FBXO43: variants seen among roughly 807,000 people sequenced by gnomAD.
FBXO43 encodes the protein F-box protein 43.
A neutral mutation model predicts 56.7 loss-of-function variants in FBXO43; 22 were observed. The observed-to-expected ratio is 0.39, with a 90% CI of 0.28 to 0.55. The LOEUF is 0.55. FBXO43 is among the 20% of genes least tolerant of loss of function. The pLI, the probability that FBXO43 is intolerant of heterozygous loss-of-function variation, is 0.66. For missense variants in FBXO43, 733 were observed against 814.9 expected (o/e 0.90, Z 1.22); for synonymous variants, 306 against 294.5 (o/e 1.04, Z -0.40).
Position 100,141,373 on chromosome 8 carries a change from G to A in FBXO43, c.881C>T (p.Thr294Ile). 3 of 1,613,406 alleles carry A rather than the reference G, an allele frequency of 1.9e-6. No homozygotes were observed. The highest frequency in any genetic ancestry group is 2.2e-5 in the South Asian group (2 of 91,086). Residue 294 changes from threonine (T) to isoleucine (I), a missense_variant, in exon 2 of 5, where the codon ACA becomes ATA. Physicochemically the swap from Thr to Ile is moderately conservative, Grantham distance 89. Transcript: ENST00000428847. Reference sequence around the variant, plus strand: ...CGGAGTCACAAATATGTCCTCATCTGTTCCACAAGTTGTTCCACTAACAGA... The same window carrying A: ...CGGAGTCACAAATATGTCCTCATCTATTCCACAAGTTGTTCCACTAACAGA... Reference protein sequence around the residue: ...GSSVSGTTCGTDEDIFVTPIS... With the variant: ...GSSVSGTTCGIDEDIFVTPIS...
At position 100,134,170 on chromosome 8, in the gene FBXO43, T is replaced by C; in HGVS notation, c.1869A>G (p.Glu623=). Residue 623 remains glutamate (E), a synonymous_variant, in exon 4 of 5, where the codon GAA becomes GAG. Transcript: ENST00000428847. ...SVTHLSSKQE[E]YVKVAKTLFT... ...CATAATAAATACTTACCTTAACATATTCTTCCTGTTTACTACTTAAGTGAG... is the reference window on the plus strand; with the variant it reads ...CATAATAAATACTTACCTTAACATACTCTTCCTGTTTACTACTTAAGTGAG... The C allele has an allele frequency of 6.2e-7, 1 of 1,613,480 alleles. No homozygotes were observed. The highest frequency in any genetic ancestry group is 8.5e-7 in the Non-Finnish European group (1 of 1,179,640).
At chr8:100,147,649 G>A (rs3133676), upstream of FBXO43, among the ~76,000 whole-genome samples, 8,324 of 152,222 alleles carry the variant, frequency 0.055, 687 homozygotes, top group African/African-American at 0.17. Context: ...GGCAAGGGTG[G>A]CTGCTAGGAG....
Position 100,134,242 on chromosome 8 carries a change from T to C in FBXO43, c.1797A>G (p.Leu599=). 6.2e-7 allele frequency: 1 copy of C among 1,614,154 alleles called. No individual in the cohort carries two copies. The highest frequency in any genetic ancestry group is 8.5e-7 in the Non-Finnish European group (1 of 1,180,024). The change falls in exon 4 of 5, where the codon TTA becomes TTG. Residue 599 remains leucine, a synonymous_variant. Transcript: ENST00000428847. ...GTGTCAAAACTTCTCCCCAGGGAGA[T>C]AATGTTGACCCTTGCTCTCTCTGAG... ...PGSQREQGST[L]SPWGEVLTPL...
Position 100,145,239 on chromosome 8 carries a change from T to A in FBXO43, c.-104A>T, listed in dbSNP as rs2306044. 0.022 allele frequency: 17,787 copies of A among 817,810 alleles called. 1,203 individuals carry two copies. Among genetic ancestry groups the A allele is most frequent in the African/African-American group, 0.17 (9,637 of 56,820 alleles). 50.7% of individuals were successfully genotyped at this position (817,810 alleles called of 1,614,324 possible). A position where few individuals can be genotyped will look rare whatever the true frequency, so the allele number is the denominator to read the frequency against. ...AAAGTCGAAGGGTACACAGGGTGCATGCCGCAGGGATTATTCCTAACACTT... is the reference window on the plus strand; with the variant it reads ...AAAGTCGAAGGGTACACAGGGTGCAAGCCGCAGGGATTATTCCTAACACTT... On this transcript the variant is annotated 5_prime_UTR_variant, in exon 1 of 5. It removes an upstream start codon present in the reference 5' UTR. Transcript: ENST00000428847.
chr8:100,142,183 C>G lies in FBXO43; in HGVS notation c.86-15G>C, dbSNP rs1241967543. ...AATCTCTGTTTCTGCAAAGTGACAACAAAGTTATTCTGCCTTTGAAATGAG... is the reference window on the plus strand; with the variant it reads ...AATCTCTGTTTCTGCAAAGTGACAAGAAAGTTATTCTGCCTTTGAAATGAG... On this transcript the variant is annotated splice_polypyrimidine_tract_variant and intron_variant, in intron 1 of 4. Transcript: ENST00000428847. The G allele has an allele frequency of 6.6e-7, 1 of 1,522,530 alleles. No individual in the cohort carries two copies. Among genetic ancestry groups the G allele is most frequent in the Non-Finnish European group, 8.8e-7 (1 of 1,138,494 alleles). 94.3% of individuals were successfully genotyped at this position (1,522,530 alleles called of 1,614,324 possible).
chr8:100,134,332 A>G lies in FBXO43; in HGVS notation c.1707T>C (p.Thr569=), dbSNP rs1256263095. ...CTGAGCGATTTAAAAGCTGGAGCCG[A>G]GTGGCAGCATCCTCGACATTTAATA... ...GAVLNVEDAA[T]RLQLLNRSAL... is the part of the protein sequence containing the mutation. The change falls in exon 4 of 5, where the codon ACT becomes ACC. Residue 569 remains threonine, a synonymous_variant. Coordinates refer to ENST00000428847, the MANE Select transcript of FBXO43 (RefSeq NM_001029860.4). 8.7e-6 allele frequency: 14 copies of G among 1,613,708 alleles called. No homozygotes were observed. The highest frequency in any genetic ancestry group is 1.7e-5 in the Admixed American group (1 of 59,978).
chr8:100,141,975 A>T lies in FBXO43; in HGVS notation c.279T>A (p.Tyr93Ter), dbSNP rs1275686008. 6.2e-7 allele frequency: 1 copy of T among 1,608,530 alleles called. No individual in the cohort carries two copies. Among genetic ancestry groups the T allele is most frequent in the Admixed American group, 1.7e-5 (1 of 58,816 alleles). ...TTGGGCCTTTTTCTTTCTTTCCAAG[A>T]TATTCTTTATCTATATTATCAAAGC... Reference protein sequence around the residue: ...SCSFDNIDKEYLGKKEKGPTL... With the variant: ...SCSFDNIDKE Residue 93 changes from tyrosine to a stop codon, truncating the protein, a stop_gained, in exon 2 of 5, where the codon TAT becomes TAA. Transcript: ENST00000428847. LOFTEE classifies it high-confidence loss of function.
At chr8:100,138,577 T>C (rs1046443413) in intron 2 of FBXO43, among the ~76,000 whole-genome samples, 18 of 152,240 alleles carry the variant, frequency 1.2e-4, no homozygotes, top group African/African-American at 4.3e-4. Context: ...GGAACAGTAC[T>C]GCCAACATAG....
At chr8:100,138,763 C>G (rs1456717882) in intron 2 of FBXO43, among the ~76,000 whole-genome samples, 1 of 152,158 alleles carries the variant, frequency 6.6e-6, no homozygotes, top group Non-Finnish European at 1.5e-5. Flanking sequence ...CCTGGCTGGT[C>G]ACAGCGGCTC....
In FBXO43 at chr8:100,133,861, T is replaced by A. The variant is rs1814381556; in HGVS notation, c.2068A>T (p.Asn690Tyr). Residue 690 changes from asparagine (N) to tyrosine (Y), a missense_variant, in exon 5 of 5, where the codon AAT (asparagine) becomes TAT (tyrosine). Transcript: ENST00000428847. ...ECSRGAAKPR[N>Y]RKDALPGSAQ... is the part of the protein sequence containing the mutation. The stretch of plus-strand genomic sequence containing the variant: ...CTTCCTGGGAGAGCATCTTTTCTAT[T>A]TCTTGGCTTTGCTGCTCCTCTACTA... 1.9e-6 allele frequency: 3 copies of A among 1,614,182 alleles called. No individual in the cohort carries two copies. The highest frequency in any genetic ancestry group is 2.5e-6 in the Non-Finnish European group (3 of 1,180,036).
At chr8:100,135,042 AAG>A (rs1222675189) in intron 3 of FBXO43, among the ~76,000 whole-genome samples, 4 of 152,240 alleles carry the variant, frequency 2.6e-5, no homozygotes, top group Non-Finnish European at 4.4e-5. Flanking sequence ...AAATAAATAA[AAG>A]AGAGAGAAAA....
chr8:100,137,670 A>G lies in FBXO43; in HGVS notation c.1572-3T>C, dbSNP rs368463310. 26 of 1,606,804 alleles carry G rather than the reference A, an allele frequency of 1.6e-5. No homozygotes were observed. Among genetic ancestry groups the G allele is most frequent in the Admixed American group, 1.3e-4 (8 of 59,566 alleles). ...AATTTCTGCTTACTTTCCAAACACT[A>G]TAACAAAAAGATCCATCCTTATATT... is the stretch of plus-strand genomic sequence containing the variant. On this transcript the variant is annotated splice_region_variant and splice_polypyrimidine_tract_variant and intron_variant, in intron 2 of 4. Coordinates refer to ENST00000428847, the MANE Select transcript of FBXO43 (RefSeq NM_001029860.4).
chr8:100,139,407 A>G (rs995602076), intron 2 of FBXO43, among the ~76,000 whole-genome samples: 1 of 152,192 alleles, frequency 6.6e-6, no homozygotes, highest in Non-Finnish European at 1.5e-5. Flanking sequence ...AGCCTGAGCA[A>G]CACAGTGAGA....
chr8:100,138,381 C>T (rs749574369), intron 2 of FBXO43, among the ~76,000 whole-genome samples: 15 of 152,124 alleles, frequency 9.9e-5, no homozygotes, highest in African/African-American at 1.7e-4. Flanking sequence ...CAGTTGTCAA[C>T]GCTACTATTC....
intron 3 of FBXO43, chr8:100,137,196 C>T: frequency 6.1e-6 from 1 of 165,036 alleles, no homozygotes; most frequent in Non-Finnish European, 1.3e-5. Flanking sequence ...GTAGCTGGGA[C>T]TACAGGCGCC....
upstream of FBXO43, among the ~76,000 whole-genome samples, chr8:100,148,515 G>A (rs998572985): frequency 3.9e-5 from 6 of 152,300 alleles, no homozygotes; most frequent in South Asian, 2.1e-4. Flanking sequence ...GGGTTCAAGC[G>A]ATTCTTGCAC....
chr8:100,145,688 T>C lies in FBXO43; in HGVS notation c.-553A>G, dbSNP rs1283028674. The C allele has an allele frequency of 6.6e-6, 1 of 152,500 alleles. No homozygotes were observed. Among genetic ancestry groups the C allele is most frequent in the Non-Finnish European group, 1.5e-5 (1 of 68,312 alleles). The allele number at this position is 152,500 out of a possible 1,614,324, so 9.4% of individuals were successfully genotyped here. On this transcript the variant is annotated 5_prime_UTR_variant, in exon 1 of 5. Coordinates refer to ENST00000428847, the MANE Select transcript of FBXO43 (RefSeq NM_001029860.4). ...CGGGCGAGGCGCCGAAGCGGACAGG[T>C]GGGAGAGGAGCCGGGCAGCAGCCGC...
At chr8:100,149,367 T>C (rs889772521), upstream of FBXO43, among the ~76,000 whole-genome samples, 9 of 152,240 alleles carry the variant, frequency 5.9e-5, no homozygotes, top group Admixed American at 5.2e-4. Flanking sequence ...ATATGAAAGT[T>C]TGACTTTTGG....
upstream of FBXO43, among the ~76,000 whole-genome samples, chr8:100,146,144 T>G (rs1362421155): frequency 6.6e-6 from 1 of 152,242 alleles, no homozygotes; most frequent in Non-Finnish European, 1.5e-5. Context: ...AAAAGCAAGT[T>G]ACAAACTGAC....
Sources: gnomAD v4.1 joint callset for allele counts (sites outside exome capture counted in the v4.1 genomes callset) on GRCh38, gnomAD v4.1.1 for gene constraint, MANE v1.5 for transcripts, NCBI Gene and HGNC (gene_info 2026-07-23, HGNC 2026-07-21) for gene names.